The following DKC1 variants were observed in gnomAD, a reference collection of about 807,000 sequenced individuals.
The protein encoded by DKC1 is dyskerin pseudouridine synthase 1, also known as H/ACA ribonucleoprotein complex subunit DKC1.
Under a neutral mutation model 46.7 loss-of-function variants are expected in DKC1, and 4 were observed. The ratio of observed to expected loss-of-function variants is 0.09; its 90% confidence interval spans 0.04 to 0.20. DKC1 has a LOEUF of 0.20. DKC1 is among the 10% of genes least tolerant of loss of function. DKC1 has a pLI of 1.00. For synonymous variants in DKC1, 141 were observed against 142.4 expected (o/e 0.99, Z 0.07); for missense variants, 171 against 404.2 (o/e 0.42, Z 4.95).
In DKC1 at chrX:154,768,130, G is replaced by A. The variant is rs782665298; in HGVS notation, c.641-172G>A. The A allele has an allele frequency of 5.2e-5, 31 of 590,931 alleles. No individual in the cohort carries two copies. The South Asian group carries it at 6.6e-4, about 13-fold the overall frequency. The allele number at this position is 590,931 out of a possible 1,213,427, so 48.7% of individuals were successfully genotyped here. A position where few individuals can be genotyped will look rare whatever the true frequency, so the allele number is the denominator to read the frequency against. ...CTCCCAAAGTGCTGGAATTACAGGC[G>A]TGAGCCACCGTGCCTGGCCAGAATT... is the stretch of plus-strand genomic sequence containing the variant. On this transcript the variant is annotated intron_variant, in intron 7 of 14. Transcript: ENST00000369550.
chrX:154,772,642 C>CT (rs1557265061), intron 10 of DKC1, among the ~76,000 whole-genome samples: 1 of 112,371 alleles, frequency 8.9e-6, no homozygotes, highest in Non-Finnish European at 1.9e-5. Flanking sequence ...TGGATTGTCT[C>CT]TTAAGACTTT....
In DKC1 at chrX:154,762,973, A is replaced by G; in HGVS notation, c.8A>G (p.Asp3Gly). 1 of 1,181,068 alleles carries G rather than the reference A, an allele frequency of 8.5e-7. No homozygotes were observed. The highest frequency in any genetic ancestry group is 2.4e-5 in the Admixed American group (1 of 41,581). The part of the protein sequence containing the change: MA[D>G]AEVIILPKKH... ...CACGCGGTGCAGGGTAACATGGCGG[A>G]TGCGGAAGGTAAGGGCTGCAGGCTT... The change falls in exon 1 of 15, where the codon GAT (aspartate) becomes GGT (glycine). Residue 3 changes from aspartate (D) to glycine (G), a missense_variant. This residue lies in a region of DKC1 where 41 missense variants were observed against 117.3 expected (regional missense o/e 0.35). Transcript: ENST00000369550.
chrX:154,771,191 T>G (rs1557264923), intron 10 of DKC1, among the ~76,000 whole-genome samples: 3 of 96,559 alleles, frequency 3.1e-5, no homozygotes, highest in African/African-American at 1.2e-4. Context: ...GGTGGTGTTT[T>G]TTTTTTTTTT....
chrX:154,777,097 A>G lies in DKC1; in HGVS notation c.*230A>G, dbSNP rs2071909632. 5 of 326,340 alleles carry G rather than the reference A, an allele frequency of 1.5e-5. No homozygotes were observed. Among genetic ancestry groups the G allele is most frequent in the Non-Finnish European group, 2.2e-5 (4 of 180,866 alleles). The allele number at this position is 326,340 out of a possible 1,213,427, so 26.9% of individuals were successfully genotyped here. ...GATGAAAGAGGCAGAGTTTATCCCA[A>G]TGACTTCTCTGTTTGAGTTGGGAAG... On this transcript the variant is annotated 3_prime_UTR_variant, in exon 15 of 15. Coordinates refer to ENST00000369550, the MANE Select transcript of DKC1 (RefSeq NM_001363.5).
intron 14 of DKC1, among the ~76,000 whole-genome samples, chrX:154,776,536 T>G (rs2071898690): frequency 8.9e-6 from 1 of 111,748 alleles, no homozygotes; most frequent in Non-Finnish European, 1.9e-5. Flanking sequence ...CCTCTACCAC[T>G]TATACTTAGA....
intron 7 of DKC1, among the ~76,000 whole-genome samples, chrX:154,767,843 CTT>C (rs35184460): frequency 4.6e-5 from 3 of 65,166 alleles, no homozygotes; most frequent in African/African-American, 6.8e-5. Flanking sequence ...AATTACAGAT[CTT>C]TTTTTTTTTT....
chrX:154,776,339 G>A lies in DKC1; in HGVS notation c.1476+15G>A, dbSNP rs1557265706. 2.5e-6 allele frequency: 3 copies of A among 1,179,251 alleles called. No homozygotes were observed. Among genetic ancestry groups the A allele is most frequent in the Admixed American group, 2.5e-5 (1 of 40,226 alleles). On this transcript the variant is annotated intron_variant, in intron 14 of 14. Coordinates refer to ENST00000369550, the MANE Select transcript of DKC1 (RefSeq NM_001363.5). ...CTGGAGATGGGGTGTGTGGAAACAC[G>A]TTCAGGTTCCTTGGGCTGGCTTAGT...
chrX:154,774,884 G>T lies in DKC1; in HGVS notation c.1259+179G>T, dbSNP rs782655435. On this transcript the variant is annotated intron_variant, in intron 12 of 14. Coordinates refer to ENST00000369550, the MANE Select transcript of DKC1 (RefSeq NM_001363.5). ...AGCATGGAGGTTGTAGAGCCCAGGG[G>T]AGGGGGAGTCACTTGGTTTGGGGCA... 6.8e-5 allele frequency: 39 copies of T among 571,403 alleles called. 1 individual carries two copies. The highest frequency in any genetic ancestry group is 2.9e-4 in the Admixed American group (13 of 44,553). 47.1% of individuals were successfully genotyped at this position (571,403 alleles called of 1,213,427 possible). A position where few individuals can be genotyped will look rare whatever the true frequency, so the allele number is the denominator to read the frequency against.
chrX:154,765,201 C>T, intron 2 of DKC1: 1 of 472,488 alleles, frequency 2.1e-6, no homozygotes, highest in South Asian at 3.1e-5. Flanking sequence ...ATTTGTCTTC[C>T]TTATGCCACC....
chrX:154,766,194 A>C (rs1569558492), intron 4 of DKC1, 22 bp from the exon 5 acceptor site: 1 of 589,216 alleles, frequency 1.7e-6, no homozygotes, highest in African/African-American at 2.4e-5. Flanking sequence ...TGATACATTA[A>C]TTTTTTTTTT....
chrX:154,772,664 G>A (rs187796159), intron 10 of DKC1, among the ~76,000 whole-genome samples: 181 of 112,186 alleles, frequency 1.6e-3, no homozygotes, highest in African/African-American at 5.5e-3. Context: ...AATGCTCTGC[G>A]CACCCTCTTA....
chrX:154,770,892 G>A lies in DKC1; in HGVS notation c.1036+13G>A, dbSNP rs1557264878. On this transcript the variant is annotated intron_variant, in intron 10 of 14. Transcript: ENST00000369550. ...GCAATCTGCATGGGTAAGAGGGGATGTTTATTTTTTAAATTCTAAATGTTT... is the reference window on the plus strand; with the variant it reads ...GCAATCTGCATGGGTAAGAGGGGATATTTATTTTTTAAATTCTAAATGTTT... The A allele has an allele frequency of 2.5e-6, 3 of 1,209,060 alleles. No homozygotes were observed. Among genetic ancestry groups the A allele is most frequent in the South Asian group, 1.8e-5 (1 of 56,959 alleles).
intron 8 of DKC1, chrX:154,768,855 C>T (rs1194914412): frequency 1.1e-5 from 3 of 276,758 alleles, no homozygotes; most frequent in Non-Finnish European, 1.9e-5. Context: ...GGCGCGGTGG[C>T]GGGCGCCTGT....
chrX:154,774,924 A>G, intron 12 of DKC1: 1 of 570,619 alleles, frequency 1.8e-6, no homozygotes. Flanking sequence ...TGCTAAATGC[A>G]GGACCACAGG....
chrX:154,773,940 C>A lies in DKC1; in HGVS notation c.1156-662C>A, dbSNP rs184883100. 3.1e-3 allele frequency among the ~76,000 whole-genome samples: 340 copies of A among 111,347 alleles called. 7 individuals carry two copies. In the East Asian group the frequency reaches 0.031, roughly 10 times the overall value. The stretch of plus-strand genomic sequence containing the variant: ...CTGGCCGGGCGGGGGGGCTGACCCC[C>A]CCCCACCTCCCTCCCGGATGGGGCG... On this transcript the variant is annotated intron_variant, in intron 11 of 14. Transcript: ENST00000369550.
At chrX:154,768,157 C>G in intron 7 of DKC1, 145 bp from the exon 8 acceptor site, 1 of 814,277 alleles carries the variant, frequency 1.2e-6, no homozygotes, top group Non-Finnish European at 1.8e-6. Flanking sequence ...GCCAGAATTA[C>G]AGATCTTTAC....
chrX:154,766,190 A>G (rs949177620), intron 4 of DKC1, 26 bp from the exon 5 acceptor site: 2 of 1,181,901 alleles, frequency 1.7e-6, no homozygotes, highest in African/African-American at 1.8e-5. Flanking sequence ...TGGGTGATAC[A>G]TTAATTTTTT....
intron 10 of DKC1, among the ~76,000 whole-genome samples, chrX:154,771,877 A>G (rs893955193): frequency 8.9e-6 from 1 of 112,206 alleles, no homozygotes; most frequent in Non-Finnish European, 1.9e-5. Flanking sequence ...TATACCCAGC[A>G]GTGGGATTGC....
At position 154,776,961 on chromosome X, in the gene DKC1, T is replaced by G. The variant is rs2071908028; in HGVS notation, c.*94T>G. On this transcript the variant is annotated 3_prime_UTR_variant, in exon 15 of 15. Transcript: ENST00000369550. Reference sequence around the variant, plus strand: ...TGCTGAGAGAGTGGAACATAGGTCCTAGACAGGGTGAAGAGTTCTGGCACA... The same window carrying G: ...TGCTGAGAGAGTGGAACATAGGTCCGAGACAGGGTGAAGAGTTCTGGCACA... 3 of 776,483 alleles carry G rather than the reference T, an allele frequency of 3.9e-6. No homozygotes were observed. The highest frequency in any genetic ancestry group is 5.7e-6 in the Non-Finnish European group (3 of 530,315). 64.0% of individuals were successfully genotyped at this position (776,483 alleles called of 1,213,427 possible).
Sources: gnomAD v4.1 joint callset for allele counts (sites outside exome capture counted in the v4.1 genomes callset) on GRCh38, gnomAD v4.1.1 for gene constraint, gnomAD v4.1.1 regional missense constraint, MANE v1.5 for transcripts, NCBI Gene and HGNC (gene_info 2026-07-23, HGNC 2026-07-21) for gene names.